Variants in ATP8B4 observed in about 807,000 individuals in gnomAD.
ATP8B4 encodes the protein probable phospholipid-transporting ATPase IM.
ATP8B4 carries 133 observed loss-of-function variants against 145.6 expected under a neutral mutation model. The observed-to-expected ratio is 0.91, with a 90% confidence interval of 0.79 to 1.05. The LOEUF (loss-of-function observed/expected upper bound fraction) is 1.05. ATP8B4 is among the 50% of genes least tolerant of loss of function. ATP8B4 has a pLI of 0.00. For missense variants in ATP8B4, 1,458 were observed against 1,425.2 expected (o/e 1.02, Z -0.37); for synonymous variants, 507 against 492.9 (o/e 1.03, Z -0.38).
chr15:49,863,200 T>C (rs897224953), intron 26 of ATP8B4, among the ~76,000 whole-genome samples: 4 of 152,210 alleles, frequency 2.6e-5, no homozygotes, highest in African/African-American at 9.7e-5. Flanking sequence ...ATTTCTCTAT[T>C]GTTCACTTGG....
At chr15:50,041,966 C>T (rs2051322409) in intron 5 of ATP8B4, among the ~76,000 whole-genome samples, 1 of 151,288 alleles carries the variant, frequency 6.6e-6, no homozygotes, top group Admixed American at 6.6e-5. Context: ...CAAAAAATTT[C>T]CAACACAGTA....
chr15:49,974,115 T>A (rs1463996018), intron 12 of ATP8B4, among the ~76,000 whole-genome samples: 2 of 142,956 alleles, frequency 1.4e-5, no homozygotes, highest in Non-Finnish European at 3.0e-5. Context: ...GGAGTTCCGC[T>A]CTTGTTGCCT....
At chr15:50,019,017 C>A in intron 6 of ATP8B4, 1 of 958,348 alleles carries the variant, frequency 1.0e-6, no homozygotes, top group Admixed American at 2.3e-5. Context: ...CAATGTAAAT[C>A]CATGAATGAC....
At chr15:50,172,814 G>A (rs1418242570) in intron 1 of ATP8B4, among the ~76,000 whole-genome samples, 82 of 150,848 alleles carry the variant, frequency 5.4e-4, no homozygotes, top group Non-Finnish European at 9.6e-4. Context: ...GGGAAATGAG[G>A]AGTGTCTCTG....
intron 20 of ATP8B4, among the ~76,000 whole-genome samples, chr15:49,913,232 G>A (rs547886578): frequency 4.0e-5 from 6 of 151,694 alleles, no homozygotes; most frequent in South Asian, 2.1e-4. Flanking sequence ...TTCAACATAC[G>A]TAATAAATAT....
chr15:50,038,520 C>A (rs1365790376), intron 6 of ATP8B4, among the ~76,000 whole-genome samples: 1 of 152,070 alleles, frequency 6.6e-6, no homozygotes, highest in Admixed American at 6.5e-5. Context: ...TGGAAAGTGA[C>A]AAAGATGTGT....
intron 23 of ATP8B4, among the ~76,000 whole-genome samples, chr15:49,886,348 G>C (rs369053861): frequency 6.6e-6 from 1 of 152,122 alleles, no homozygotes; most frequent in Admixed American, 6.5e-5. Flanking sequence ...TAAATGCCAC[G>C]ACAGCACCTG....
At chr15:49,973,380 G>A (rs2045350008) in intron 12 of ATP8B4, among the ~76,000 whole-genome samples, 1 of 152,126 alleles carries the variant, frequency 6.6e-6, no homozygotes, top group African/African-American at 2.4e-5. Context: ...GGAACTCTGT[G>A]GTAGGGGAAA....
rs539629816 is a variant in ATP8B4 at position 50,112,283 on chromosome 15, C to T, written c.-42-5275G>A. Among the ~76,000 whole-genome samples the T allele has an allele frequency of 5.3e-5, 8 of 152,210 alleles. No individual in the cohort carries two copies. The South Asian group carries it at 1.5e-3, about 28-fold the overall frequency. ...GAGCCTTGGCAGCCCCCCTTGCTGG[C>T]CCAGAGACCTGCCCAGGCGAGCCCC... On this transcript the variant is annotated intron_variant, in intron 1 of 27. Transcript: ENST00000284509.
At chr15:49,987,319 G>T in intron 10 of ATP8B4, 72 bp downstream of exon 10, 1 of 1,511,510 alleles carries the variant, frequency 6.6e-7, no homozygotes, top group South Asian at 1.3e-5. Context: ...AGAACACAGA[G>T]AATCATAGAC....
At position 49,961,994 on chromosome 15, in the gene ATP8B4, T is replaced by G. The variant is rs372625145; in HGVS notation, c.1270A>C (p.Lys424Gln). 1 of 1,596,818 alleles carries G rather than the reference T, an allele frequency of 6.3e-7. No homozygotes were observed. The highest frequency in any genetic ancestry group is 1.4e-5 in the African/African-American group (1 of 73,664). The change falls in exon 14 of 28, where the codon AAG becomes CAG. Residue 424 changes from lysine to glutamine, a missense_variant. By Grantham distance (53) the Lys-to-Gln change is moderately conservative. Transcript: ENST00000284509. The stretch of plus-strand genomic sequence containing the variant: ...TTCCACACCTGAGTTATTTCTGTCT[T>G]CTGATCCAGGTCATCATGTACTTCA... ...YGEVHDDLDQ[K>Q]TEITQEKEPV... is the part of the protein sequence containing the mutation.
chr15:50,125,656 C>A (rs540056190), intron 1 of ATP8B4, among the ~76,000 whole-genome samples: 103 of 152,298 alleles, frequency 6.8e-4, no homozygotes, highest in African/African-American at 2.5e-3. Flanking sequence ...AGATTTCAGT[C>A]ATGTGACCCC....
chr15:50,132,966 G>T (rs2044068711), intron 1 of ATP8B4, among the ~76,000 whole-genome samples: 1 of 128,736 alleles, frequency 7.8e-6, no homozygotes, highest in Non-Finnish European at 1.6e-5. Flanking sequence ...GTTGAGGGGT[G>T]GTGGGCTAGG....
At chr15:50,092,975 C>T (rs947828853) in intron 2 of ATP8B4, among the ~76,000 whole-genome samples, 8 of 151,876 alleles carry the variant, frequency 5.3e-5, no homozygotes, top group African/African-American at 1.9e-4. Flanking sequence ...GATATGTCAT[C>T]TTCAAAAAAG....
chr15:50,119,951 T>C (rs371689894), upstream of ATP8B4, among the ~76,000 whole-genome samples: 8 of 151,506 alleles, frequency 5.3e-5, no homozygotes, highest in African/African-American at 2.0e-4. Flanking sequence ...GATTTACATC[T>C]TTTAGTTTGG....
intron 3 of ATP8B4, among the ~76,000 whole-genome samples, chr15:50,054,887 T>C (rs916994643): frequency 2.0e-5 from 3 of 151,768 alleles, no homozygotes; most frequent in Admixed American, 6.6e-5. Context: ...TTTGACTATT[T>C]CCTCTCCCCA....
chr15:49,956,654 A>G (rs2043589689), intron 14 of ATP8B4, among the ~76,000 whole-genome samples: 1 of 152,142 alleles, frequency 6.6e-6, no homozygotes, highest in Non-Finnish European at 1.5e-5. Flanking sequence ...TGATCCTCCT[A>G]TCTCAGCCTC....
chr15:50,019,973 T>A (rs1418992647), intron 6 of ATP8B4, among the ~76,000 whole-genome samples: 1 of 152,036 alleles, frequency 6.6e-6, no homozygotes, highest in Non-Finnish European at 1.5e-5. Flanking sequence ...AATGACTTTT[T>A]TTTTTTTGAA....
chr15:49,876,142 A>C lies in ATP8B4; in HGVS notation c.3027+136T>G, dbSNP rs533115674. The C allele has an allele frequency of 1.6e-4, 201 of 1,234,280 alleles. 1 individual carries two copies. The South Asian group carries it at 3.0e-3, about 18-fold the overall frequency. 76.5% of individuals were successfully genotyped at this position (1,234,280 alleles called of 1,614,324 possible). On this transcript the variant is annotated intron_variant, in intron 25 of 27. Coordinates refer to ENST00000284509, the MANE Select transcript of ATP8B4 (RefSeq NM_024837.4). ...GTTAAAGCTTCCTGCTTTCATCTCA[A>C]AATGTGTACTTAAAAGGACAGCCCC...
Sources: allele counts gnomAD v4.1 joint callset (sites outside exome capture counted in the v4.1 genomes callset), GRCh38; gene constraint gnomAD v4.1.1; transcripts MANE v1.5; gene names NCBI Gene and HGNC (gene_info 2026-07-23, HGNC 2026-07-21).